Variants in MAGI2 observed in about 807,000 individuals in gnomAD.
The protein encoded by MAGI2 is membrane-associated guanylate kinase, WW and PDZ domain-containing protein 2.
MAGI2 carries 35 observed loss-of-function variants against 133.3 expected under a neutral mutation model. That is an observed-to-expected ratio of 0.26 (90% CI 0.20 to 0.35). MAGI2 has a LOEUF of 0.35. MAGI2 is among the 10% of genes least tolerant of loss of function. The pLI, the probability that MAGI2 is intolerant of heterozygous loss-of-function variation, is 1.00. For synonymous variants in MAGI2, 729 were observed against 710.6 expected (o/e 1.03, Z -0.41); for missense variants, 1,636 against 1,863.4 (o/e 0.88, Z 2.25).
chr7:78,657,184 T>C (rs919554964), intron 2 of MAGI2, among the ~76,000 whole-genome samples: 4 of 152,200 alleles, frequency 2.6e-5, no homozygotes, highest in Admixed American at 6.5e-5. Context: ...CAACAAATGC[T>C]GCAAGGATGT....
rs76868835 is a variant in MAGI2 at position 78,720,606 on chromosome 7, T to G, written c.419-93367A>C. Among the ~76,000 whole-genome samples the G allele has an allele frequency of 3.9e-5, 6 of 152,264 alleles. No individual in the cohort carries two copies. The East Asian group carries it at 1.2e-3, about 29-fold the overall frequency. ...TGAAGACCACGAGAAATGGTCCATT[T>G]GTGGTACAGGACACCACCATATACA... On this transcript the variant is annotated intron_variant, in intron 2 of 21. Transcript: ENST00000354212.
At chr7:78,104,004 G>C (rs1182713792) in intron 20 of MAGI2, among the ~76,000 whole-genome samples, 2 of 152,172 alleles carry the variant, frequency 1.3e-5, no homozygotes, top group African/African-American at 4.8e-5. Flanking sequence ...AGCTACGGTG[G>C]ATTACCTGAA....
At chr7:78,405,197 A>G (rs972984702) in intron 6 of MAGI2, among the ~76,000 whole-genome samples, 5 of 152,128 alleles carry the variant, frequency 3.3e-5, no homozygotes, top group African/African-American at 1.2e-4. Context: ...CTTTTAGGCT[A>G]ACAAGCACTA....
chr7:78,536,842 A>G (rs1162968920), intron 3 of MAGI2, among the ~76,000 whole-genome samples: 2 of 149,748 alleles, frequency 1.3e-5, no homozygotes, highest in Non-Finnish European at 1.5e-5. Flanking sequence ...CTTGCTGGGA[A>G]TAGGTAGTGT....
chr7:78,916,414 T>C (rs1447289755), intron 2 of MAGI2, among the ~76,000 whole-genome samples: 2 of 152,158 alleles, frequency 1.3e-5, no homozygotes, highest in Non-Finnish European at 2.9e-5. Context: ...TTATAAGTGA[T>C]TCAAATAACA....
chr7:78,075,913 T>C (rs1347570196), intron 21 of MAGI2, among the ~76,000 whole-genome samples: 1 of 152,212 alleles, frequency 6.6e-6, no homozygotes, highest in Non-Finnish European at 1.5e-5. Flanking sequence ...GCCAGACAAC[T>C]AACATTTATT....
At chr7:78,882,004 A>T (rs1467397759) in intron 2 of MAGI2, among the ~76,000 whole-genome samples, 1 of 149,466 alleles carries the variant, frequency 6.7e-6, no homozygotes, top group Non-Finnish European at 1.5e-5. Flanking sequence ...ATACCAAATG[A>T]TCAGGGAAAC....
At chr7:78,138,618 C>T (rs1822406761) in intron 16 of MAGI2, among the ~76,000 whole-genome samples, 1 of 136,296 alleles carries the variant, frequency 7.3e-6, no homozygotes, top group Non-Finnish European at 1.6e-5. Flanking sequence ...TGTTTCAAAA[C>T]ATAGATTCAC....
chr7:78,966,373 T>G (rs1343068511), intron 2 of MAGI2, among the ~76,000 whole-genome samples: 1 of 152,144 alleles, frequency 6.6e-6, no homozygotes, highest in Non-Finnish European at 1.5e-5. Flanking sequence ...GTCATTCTAC[T>G]GTGCTTCTGC....
chr7:79,091,509 C>T (rs961056269), intron 1 of MAGI2, among the ~76,000 whole-genome samples: 1 of 152,062 alleles, frequency 6.6e-6, no homozygotes. Context: ...TTACTATAAG[C>T]AGTTGTGATA....
chr7:78,058,223 G>C (rs1812847996), intron 21 of MAGI2, among the ~76,000 whole-genome samples: 1 of 151,756 alleles, frequency 6.6e-6, no homozygotes, highest in Admixed American at 6.6e-5. Flanking sequence ...TAAAGTTGGG[G>C]TTATGAGGGA....
intron 6 of MAGI2, among the ~76,000 whole-genome samples, chr7:78,377,641 A>AAAAT (rs1554376179): frequency 1.5e-4 from 22 of 150,634 alleles, no homozygotes; most frequent in African/African-American, 5.4e-4. Flanking sequence ...ACTCTGCAAA[A>AAAAT]AATAATAATA....
At chr7:78,470,018 C>T (rs1343355432) in intron 6 of MAGI2, among the ~76,000 whole-genome samples, 1 of 152,132 alleles carries the variant, frequency 6.6e-6, no homozygotes, top group East Asian at 1.9e-4. Context: ...CAGTCTTCCT[C>T]CTCTGTGTTC....
chr7:79,286,691 A>C, intron 1 of MAGI2, among the ~76,000 whole-genome samples: 1 of 152,162 alleles, frequency 6.6e-6, no homozygotes, highest in African/African-American at 2.4e-5. Flanking sequence ...AGGGCTAAAA[A>C]ACAACTTTTG....
At chr7:78,286,719 G>A (rs944997798) in intron 9 of MAGI2, among the ~76,000 whole-genome samples, 1 of 152,156 alleles carries the variant, frequency 6.6e-6, no homozygotes, top group Non-Finnish European at 1.5e-5. Context: ...GAGGGAAGCT[G>A]CAGCTCAAAG....
intron 1 of MAGI2, among the ~76,000 whole-genome samples, chr7:79,378,926 G>GTATATATATATATATATATATA (rs59388508): frequency 1.1e-5 from 1 of 94,602 alleles, no homozygotes. Context: ...ATGTGTGTGT[G>GTATATATATATATATATATATA]TATATATATA....
intron 2 of MAGI2, among the ~76,000 whole-genome samples, chr7:78,923,070 T>G (rs1299675700): frequency 1.3e-5 from 2 of 152,182 alleles, no homozygotes; most frequent in Non-Finnish European, 2.9e-5. Context: ...TTTGTTTGAG[T>G]TCATTGTAGA....
intron 14 of MAGI2, among the ~76,000 whole-genome samples, chr7:78,172,860 A>G (rs1418239879): frequency 2.6e-5 from 4 of 152,194 alleles, no homozygotes. Flanking sequence ...GGAAAGGCTT[A>G]TGGGAGATCT....
chr7:78,955,766 TTTCTTTCTTTC>T, intron 2 of MAGI2, among the ~76,000 whole-genome samples: 1 of 88,494 alleles, frequency 1.1e-5, no homozygotes, highest in South Asian at 3.7e-4. Context: ...TCTTTCTTTC[TTTCTTTCTTTC>T]TTTCTTTCTT....
Sources: gnomAD v4.1 joint callset for allele counts (sites outside exome capture counted in the v4.1 genomes callset) on GRCh38, gnomAD v4.1.1 for gene constraint, MANE v1.5 for transcripts, NCBI Gene and HGNC (gene_info 2026-07-23, HGNC 2026-07-21) for gene names.